PRDM2: variants seen among roughly 807,000 people sequenced by gnomAD.
PRDM2 encodes the protein PR domain zinc finger protein 2.
PRDM2 carries 30 observed loss-of-function variants against 130.0 expected under a neutral mutation model. That is an observed-to-expected ratio of 0.23 (90% CI 0.17 to 0.31). The LOEUF (loss-of-function observed/expected upper bound fraction) is 0.31, where lower values mean the gene tolerates loss of function less well. PRDM2 is among the 10% of genes least tolerant of loss of function. The pLI is 1.00. For missense variants in PRDM2, 2,011 were observed against 2,108.4 expected, an observed-to-expected ratio of 0.95 and a Z score of 0.90; for synonymous variants, 871 against 782.4, an observed-to-expected ratio of 1.11 and a Z score of -1.89.
intron 2 of PRDM2, among the ~76,000 whole-genome samples, chr1:13,730,010 G>T (rs1643051090): frequency 6.6e-6 from 1 of 152,170 alleles, no homozygotes; most frequent in Non-Finnish European, 1.5e-5. Flanking sequence ...CCTGGTTGTG[G>T]GAAAAATTAA....
intron 4 of PRDM2, among the ~76,000 whole-genome samples, chr1:13,735,351 G>A (rs999959042): frequency 7.2e-5 from 11 of 152,312 alleles, no homozygotes; most frequent in African/African-American, 2.4e-4. Context: ...GCTAGCTGGC[G>A]CTCGGGACTT....
chr1:13,793,828 A>C (rs1644880628), intron 8 of PRDM2, among the ~76,000 whole-genome samples: 2 of 152,076 alleles, frequency 1.3e-5, no homozygotes, highest in Admixed American at 6.5e-5. Flanking sequence ...AACAAAAGAA[A>C]GATATCGCAA....
chr1:13,765,733 G>A (rs1426786344), intron 6 of PRDM2, among the ~76,000 whole-genome samples: 1 of 152,144 alleles, frequency 6.6e-6, no homozygotes, highest in Non-Finnish European at 1.5e-5. Flanking sequence ...CCAAAGTGTT[G>A]GGATTACAGG....
intron 2 of PRDM2, among the ~76,000 whole-genome samples, chr1:13,720,686 G>A (rs1205002180): frequency 3.9e-5 from 6 of 152,170 alleles, no homozygotes; most frequent in African/African-American, 1.4e-4. Context: ...AGTGCTTTCC[G>A]TTCAGTAAGT....
intron 8 of PRDM2, among the ~76,000 whole-genome samples, chr1:13,791,937 A>G (rs919920288): frequency 6.6e-6 from 1 of 152,190 alleles, no homozygotes; most frequent in African/African-American, 2.4e-5. Context: ...CATTTTACGG[A>G]AGACTGGTGC....
Position 13,780,390 on chromosome 1 carries a change from CAAAG to C in PRDM2, c.2600_2603del (p.Glu867ValfsTer11). 1 of 1,614,118 alleles carries C rather than the reference CAAAG, an allele frequency of 6.2e-7. No homozygotes were observed. Among genetic ancestry groups the C allele is most frequent in the Non-Finnish European group, 8.5e-7 (1 of 1,180,038 alleles). ...GTAGTGACTCTGAAGGCAAGGAATT[CAAAG>C]AAAGTCATTCAGTGCAGCCTACGTG... is the stretch of plus-strand genomic sequence containing the variant. On this transcript the variant is annotated frameshift_variant, in exon 8 of 10. Transcript: ENST00000311066. LOFTEE classifies it high-confidence loss of function.
At chr1:13,786,076 G>A (rs765582315) in intron 8 of PRDM2, among the ~76,000 whole-genome samples, 4 of 151,948 alleles carry the variant, frequency 2.6e-5, no homozygotes, top group Non-Finnish European at 5.9e-5. Flanking sequence ...CTGACCTTAT[G>A]ATCCGCCCGT....
At chr1:13,795,833 C>T (rs1169846116) in intron 8 of PRDM2, among the ~76,000 whole-genome samples, 1 of 152,162 alleles carries the variant, frequency 6.6e-6, no homozygotes, top group Non-Finnish European at 1.5e-5. Flanking sequence ...AACTTCTCCC[C>T]CTTCTATTTT....
chr1:13,721,823 C>A (rs1642738573), intron 2 of PRDM2, among the ~76,000 whole-genome samples: 1 of 152,174 alleles, frequency 6.6e-6, no homozygotes, highest in South Asian at 2.1e-4. Flanking sequence ...CTAACTCACT[C>A]TCCTTGGTCA....
intron 7 of PRDM2, among the ~76,000 whole-genome samples, chr1:13,777,952 C>T (rs1467259134): frequency 6.6e-6 from 1 of 152,108 alleles, no homozygotes; most frequent in Non-Finnish European, 1.5e-5. Context: ...TTACTCCAGA[C>T]AGACTTCCAA....
At chr1:13,708,516 C>T (rs1318644095) in intron 1 of PRDM2, among the ~76,000 whole-genome samples, 1 of 152,110 alleles carries the variant, frequency 6.6e-6, no homozygotes, top group Non-Finnish European at 1.5e-5. Flanking sequence ...ATCAGATCGT[C>T]CCACCTGGAG....
chr1:13,795,482 C>A (rs1157294921), intron 8 of PRDM2, among the ~76,000 whole-genome samples: 3 of 152,120 alleles, frequency 2.0e-5, no homozygotes, highest in Non-Finnish European at 4.4e-5. Flanking sequence ...TGGATCTAGG[C>A]GTGAGGAGGT....
intron 6 of PRDM2, among the ~76,000 whole-genome samples, chr1:13,764,239 C>T (rs6693494): frequency 2.1e-3 from 317 of 152,190 alleles, no homozygotes; most frequent in African/African-American, 7.3e-3. Flanking sequence ...TTTTCAGCCA[C>T]GGGGGGCTGA....
chr1:13,702,821 C>G (rs1222496517), intron 1 of PRDM2, among the ~76,000 whole-genome samples: 1 of 151,960 alleles, frequency 6.6e-6, no homozygotes, highest in Admixed American at 6.6e-5. Flanking sequence ...AGAAAAAAAA[C>G]CAAAACAGCG....
intron 8 of PRDM2, among the ~76,000 whole-genome samples, chr1:13,791,974 A>G (rs916854482): frequency 6.6e-6 from 1 of 152,208 alleles, no homozygotes; most frequent in African/African-American, 2.4e-5. Context: ...ATGTCCAGCT[A>G]ATAAACCATG....
intron 8 of PRDM2, among the ~76,000 whole-genome samples, chr1:13,804,378 T>A (rs1464614882): frequency 1.3e-5 from 2 of 152,110 alleles, no homozygotes; most frequent in African/African-American, 2.4e-5. Flanking sequence ...CAGAACTTCA[T>A]CAAGCAGCAG....
chr1:13,711,388 T>TTA (rs1642366698), intron 1 of PRDM2, among the ~76,000 whole-genome samples: 3 of 152,362 alleles, frequency 2.0e-5, no homozygotes, highest in African/African-American at 7.2e-5. Context: ...TGCTTTAGTA[T>TTA]TCTATTGCAG....
intron 8 of PRDM2, chr1:13,783,191 A>G: frequency 1.9e-6 from 1 of 524,728 alleles, no homozygotes; most frequent in Non-Finnish European, 3.7e-6. Context: ...TTTTCCGATC[A>G]TAGAACATTT....
At chr1:13,758,339 C>T (rs908419452) in intron 6 of PRDM2, among the ~76,000 whole-genome samples, 5 of 150,574 alleles carry the variant, frequency 3.3e-5, no homozygotes, top group Admixed American at 2.0e-4. Flanking sequence ...ACTAGCTACT[C>T]GGGAGGCTGA....
Sources: gnomAD v4.1 joint callset for allele counts (sites outside exome capture counted in the v4.1 genomes callset) on GRCh38, gnomAD v4.1.1 for gene constraint, MANE v1.5 for transcripts, NCBI Gene and HGNC (gene_info 2026-07-23, HGNC 2026-07-21) for gene names.